Variants in PTPRA observed in about 807,000 individuals in gnomAD.
PTPRA encodes protein tyrosine phosphatase receptor type A, also known as receptor-type tyrosine-protein phosphatase alpha.
PTPRA carries 25 observed loss-of-function variants against 104.8 expected under a neutral mutation model. The observed-to-expected ratio is 0.24, with a 90% confidence interval of 0.17 to 0.33. PTPRA has a LOEUF of 0.33. Among genes scored for constraint, PTPRA ranks in the 10% least tolerant of loss-of-function variants. The pLI is 1.00. For synonymous variants in PTPRA, 323 were observed against 368.9 expected (o/e 0.88, Z 1.43); for missense variants, 765 against 1,015.3 (o/e 0.75, Z 3.35).
chr20:2,869,935 A>G (rs1381597273), upstream of PTPRA, among the ~76,000 whole-genome samples: 1 of 151,592 alleles, frequency 6.6e-6, no homozygotes, highest in Admixed American at 6.6e-5. Flanking sequence ...AAATGGCGCC[A>G]TTGCACTCCA....
chr20:3,022,861 C>T lies in PTPRA; in HGVS notation c.1464+37C>T, dbSNP rs988328895. On this transcript the variant is annotated intron_variant, in intron 16 of 23. Transcript: ENST00000399903. This position sits in a 1 kb window ranked among gnomAD's most constrained non-coding sequence, Gnocchi z 4.6. Reference sequence around the variant, plus strand: ...GTGGGTCAGGTGAGGGTGGGGGGTTCCAGGACTAAAACATCTGCCCACATT... The same window carrying T: ...GTGGGTCAGGTGAGGGTGGGGGGTTTCAGGACTAAAACATCTGCCCACATT... 2.5e-6 allele frequency: 4 copies of T among 1,613,060 alleles called. No homozygotes were observed. In the African/African-American group the frequency reaches 5.3e-5, roughly 22 times the overall value.
intron 1 of PTPRA, among the ~76,000 whole-genome samples, chr20:2,884,868 G>A (rs2090291362): frequency 6.7e-6 from 1 of 149,278 alleles, no homozygotes; most frequent in South Asian, 2.1e-4. Context: ...GGAGTGCAGT[G>A]ACACGATTTT....
At chr20:2,929,362 T>G (rs913610745) in intron 2 of PTPRA, among the ~76,000 whole-genome samples, 3 of 152,212 alleles carry the variant, frequency 2.0e-5, no homozygotes, top group Non-Finnish European at 2.9e-5. Context: ...CTTTTGTTCT[T>G]TGTATTTCTT....
chr20:2,973,625 G>T (rs970122335), intron 5 of PTPRA, among the ~76,000 whole-genome samples: 2 of 152,106 alleles, frequency 1.3e-5, no homozygotes, highest in Admixed American at 6.6e-5. Context: ...CTCACCATTG[G>T]GTTCTAGTTC....
chr20:2,917,067 C>G (rs2059929643), intron 1 of PTPRA, among the ~76,000 whole-genome samples: 1 of 150,172 alleles, frequency 6.7e-6, no homozygotes, highest in African/African-American at 2.5e-5. Context: ...AAGCAATTCT[C>G]CTGCCTCAGC....
Position 3,035,111 on chromosome 20 carries a change from C to G in PTPRA, c.1921-474C>G, listed in dbSNP as rs543828648. 6.6e-6 allele frequency among the ~76,000 whole-genome samples: 1 copy of G among 152,198 alleles called. No homozygotes were observed. Among genetic ancestry groups the G allele is most frequent in the African/African-American group, 2.4e-5 (1 of 41,522 alleles). ...GGCGAGTGCTAGCAACTTGAAGGTACCTTGCAGATCAAAGAGATAAAGGTA... is the reference window on the plus strand; with the variant it reads ...GGCGAGTGCTAGCAACTTGAAGGTAGCTTGCAGATCAAAGAGATAAAGGTA... On this transcript the variant is annotated intron_variant, in intron 20 of 23. Coordinates refer to ENST00000399903, the MANE Select transcript of PTPRA (RefSeq NM_001385305.1). This position sits in a 1 kb window ranked among gnomAD's most constrained non-coding sequence, Gnocchi z 5.8.
chr20:2,943,255 A>G (rs1362782527), intron 2 of PTPRA, among the ~76,000 whole-genome samples: 2 of 144,924 alleles, frequency 1.4e-5, no homozygotes, highest in Non-Finnish European at 3.0e-5. Context: ...ATTATATTAA[A>G]TATATGCTTA....
intron 16 of PTPRA, among the ~76,000 whole-genome samples, chr20:3,023,868 A>G (rs1236842379): frequency 1.3e-5 from 2 of 152,120 alleles, no homozygotes; most frequent in African/African-American, 4.8e-5. Flanking sequence ...AGAAACATCC[A>G]CAGGTGTGGA....
At position 2,893,194 on chromosome 20, in the gene PTPRA, C is replaced by T. The variant is rs546574135; in HGVS notation, c.-129+19434C>T. 1.6e-3 allele frequency among the ~76,000 whole-genome samples: 238 copies of T among 152,324 alleles called. 1 individual carries two copies. Among genetic ancestry groups the T allele is most frequent in the South Asian group, 2.9e-3 (14 of 4,822 alleles). On this transcript the variant is annotated intron_variant, in intron 1 of 23. Transcript: ENST00000399903. The stretch of plus-strand genomic sequence containing the variant: ...TTGTTTTGCAGTTTTATATCTCCAG[C>T]TGCTAATGCAGTGCCTGGTTTGTAG...
At chr20:2,919,492 C>CT (rs2060025988) in intron 1 of PTPRA, among the ~76,000 whole-genome samples, 1 of 152,150 alleles carries the variant, frequency 6.6e-6, no homozygotes, top group African/African-American at 2.4e-5. Context: ...GTACTGGACA[C>CT]TTTGCTAGGC....
At chr20:2,943,032 G>A (rs2060978798) in intron 2 of PTPRA, among the ~76,000 whole-genome samples, 1 of 151,644 alleles carries the variant, frequency 6.6e-6, no homozygotes, top group Non-Finnish European at 1.5e-5. Context: ...TGGATTGATA[G>A]ACTTTTTTAC....
intron 10 of PTPRA, 73 bp from the exon 11 acceptor site, chr20:3,007,271 C>G (rs1394137408): frequency 7.0e-7 from 1 of 1,431,876 alleles, no homozygotes. Flanking sequence ...GATGTCTCAA[C>G]TGTCCTGGTT....
intron 20 of PTPRA, among the ~76,000 whole-genome samples, chr20:3,031,865 CT>C (rs1227621211): frequency 2.0e-5 from 3 of 152,106 alleles, no homozygotes; most frequent in Non-Finnish European, 4.4e-5. Context: ...TTCCCTCATG[CT>C]TTCTTACTTT....
intron 22 of PTPRA, among the ~76,000 whole-genome samples, chr20:3,036,446 G>A (rs1373438653): frequency 2.0e-5 from 3 of 152,244 alleles, no homozygotes; most frequent in East Asian, 1.9e-4. Context: ...GGCCAGGGCC[G>A]GGAGAGGATG....
chr20:3,030,472 T>C (rs2065383764), intron 20 of PTPRA, among the ~76,000 whole-genome samples: 1 of 152,118 alleles, frequency 6.6e-6, no homozygotes, highest in South Asian at 2.1e-4. Context: ...GTTCCATTCA[T>C]GTTGTCAAGT....
intron 1 of PTPRA, among the ~76,000 whole-genome samples, chr20:2,890,695 A>C (rs971142914): frequency 6.6e-6 from 1 of 152,220 alleles, no homozygotes; most frequent in Non-Finnish European, 1.5e-5. Context: ...TCAACTTTAC[A>C]GTCTTTATTC....
rs900693095 is a variant in PTPRA at position 3,037,005 on chromosome 20, G to A, written c.2199-149G>A. 81 of 1,129,262 alleles carry A rather than the reference G, an allele frequency of 7.2e-5. 1 individual carries two copies. The highest frequency in any genetic ancestry group is 6.1e-4 in the Middle Eastern group (2 of 3,258). 70.0% of individuals were successfully genotyped at this position (1,129,262 alleles called of 1,614,324 possible). On this transcript the variant is annotated intron_variant, in intron 22 of 23. Coordinates refer to ENST00000399903, the MANE Select transcript of PTPRA (RefSeq NM_001385305.1). The surrounding 1 kb of genome is among the most constrained non-coding windows in gnomAD (Gnocchi z 4.3). ...AAGGGCACAGGGTACACTGCCTCCCGACCCAGAACCCCTCCAGGCTGGTGG... is the reference window on the plus strand; with the variant it reads ...AAGGGCACAGGGTACACTGCCTCCCAACCCAGAACCCCTCCAGGCTGGTGG...
At chr20:2,970,634 C>T (rs998054050) in intron 5 of PTPRA, among the ~76,000 whole-genome samples, 5 of 151,980 alleles carry the variant, frequency 3.3e-5, no homozygotes, top group Non-Finnish European at 7.4e-5. Flanking sequence ...AATGTTGTTC[C>T]CTAGGTGGTC....
At chr20:2,880,535 A>G (rs1449354317) in intron 1 of PTPRA, among the ~76,000 whole-genome samples, 1 of 152,224 alleles carries the variant, frequency 6.6e-6, no homozygotes, top group Non-Finnish European at 1.5e-5. Context: ...GATCAAAGAA[A>G]ATACTAATAA....
Sources: gnomAD v4.1 joint callset for allele counts (sites outside exome capture counted in the v4.1 genomes callset) on GRCh38, gnomAD v4.1.1 for gene constraint, Gnocchi (gnomAD v3.1) non-coding constraint, MANE v1.5 for transcripts, NCBI Gene and HGNC (gene_info 2026-07-23, HGNC 2026-07-21) for gene names.